The following TARBP1 variants were observed in gnomAD, a reference collection of about 807,000 sequenced individuals.
TARBP1 encodes tRNA (guanosine(18)-2'-O)-methyltransferase TARBP1.
In TARBP1, 144 loss-of-function variants were observed where a neutral mutation model predicts 178.6. The observed-to-expected ratio is 0.81, with a 90% CI of 0.70 to 0.93. The LOEUF (loss-of-function observed/expected upper bound fraction) is 0.93. Among genes scored for constraint, TARBP1 ranks in the 40% least tolerant of loss-of-function variants. The pLI is 0.00. For missense variants in TARBP1, 2,067 were observed against 2,011.7 expected, an observed-to-expected ratio of 1.03 and a Z score of -0.53; for synonymous variants, 787 against 781.0, an observed-to-expected ratio of 1.01 and a Z score of -0.13.
Position 234,427,568 on chromosome 1 carries a change from T to C in TARBP1, c.3251+8A>G. On this transcript the variant is annotated splice_region_variant and intron_variant, in intron 18 of 29. Coordinates refer to ENST00000040877, the MANE Select transcript of TARBP1 (RefSeq NM_005646.4). ...GTTATGACCAGTTGAAATAATAGCA[T>C]CTTTTACCTTTGATCACGCCTAAAC... 1 of 1,592,150 alleles carries C rather than the reference T, an allele frequency of 6.3e-7. No individual in the cohort carries two copies. The highest frequency in any genetic ancestry group is 8.5e-7 in the Non-Finnish European group (1 of 1,173,526).
Position 234,460,267 on chromosome 1 carries a change from G to T in TARBP1, c.1529C>A (p.Ala510Asp). 2 of 1,612,888 alleles carry T rather than the reference G, an allele frequency of 1.2e-6. No homozygotes were observed. Among genetic ancestry groups the T allele is most frequent in the Middle Eastern group, 1.7e-4 (1 of 6,058 alleles). Reference protein sequence around the residue: ...HKALGIDGLLALRDVIHCTMI... With the variant: ...HKALGIDGLLDLRDVIHCTMI... ...CATATACAGAGTAAATTACCTGAGAGCAAGAAGCCCATCTATACCCAGGGC... is the reference window on the plus strand; with the variant it reads ...CATATACAGAGTAAATTACCTGAGATCAAGAAGCCCATCTATACCCAGGGC... The change falls in exon 7 of 30, where the codon GCT (alanine) becomes GAT (aspartate). Residue 510 changes from alanine (A) to aspartate (D), a missense_variant. Transcript: ENST00000040877.
chr1:234,451,766 A>AAAAAAAAAC lies in TARBP1; in HGVS notation c.1723-1201_1723-1200insGTTTTTTTT, dbSNP rs57636903. The stretch of plus-strand genomic sequence containing the variant: ...TCCGTCTCAAAAAAAAAAAAAAAAA[A>AAAAAAAAAC]TGATGAATGACTGGATCATCGAAGT... On this transcript the variant is annotated intron_variant, in intron 9 of 29. Coordinates refer to ENST00000040877, the MANE Select transcript of TARBP1 (RefSeq NM_005646.4). Among the ~76,000 whole-genome samples, 8 of 17,166 alleles carry AAAAAAAAAC rather than the reference A, an allele frequency of 4.7e-4. 3 individuals are homozygous for AAAAAAAAAC. The highest frequency in any genetic ancestry group is 2.9e-3 in the African/African-American group (7 of 2,428). 11.3% of individuals were successfully genotyped at this position (17,166 alleles called of 152,430 possible).
In TARBP1 at chr1:234,478,170, T is replaced by C; in HGVS notation, c.931+3A>G. On this transcript the variant is annotated splice_donor_region_variant and intron_variant, in intron 1 of 29. Coordinates refer to ENST00000040877, the MANE Select transcript of TARBP1 (RefSeq NM_005646.4). ...CTAGGCTGGGGGGCAAAGAGGCAGG[T>C]ACCGTTTCCTTCCTGGGGCCCGCAG... is the stretch of plus-strand genomic sequence containing the variant. The C allele has an allele frequency of 1.2e-6, 2 of 1,609,246 alleles. No homozygotes were observed. Among genetic ancestry groups the C allele is most frequent in the East Asian group, 2.2e-5 (1 of 44,622 alleles).
chr1:234,446,678 T>TAATTATATAATTTC, intron 12 of TARBP1, 125 bp downstream of exon 12: 1 of 257,354 alleles, frequency 3.9e-6, no homozygotes, highest in Non-Finnish European at 5.7e-6. Context: ...TTCTTAAATA[T>TAATTATATAATTTC]ATATAATTTC....
intron 6 of TARBP1, among the ~76,000 whole-genome samples, chr1:234,462,920 C>T (rs951973463): frequency 2.0e-5 from 3 of 152,104 alleles, no homozygotes; most frequent in African/African-American, 4.8e-5. Context: ...GTATTTCATA[C>T]CTAGGCTCAC....
chr1:234,463,686 T>C (rs1668142628), intron 6 of TARBP1, 151 bp downstream of exon 6: 1 of 486,098 alleles, frequency 2.1e-6, no homozygotes, highest in Non-Finnish European at 3.7e-6. Flanking sequence ...AAAGATACTG[T>C]ATAATTCTGA....
chr1:234,452,843 T>C (rs1303291926), intron 9 of TARBP1, among the ~76,000 whole-genome samples: 1 of 151,486 alleles, frequency 6.6e-6, no homozygotes, highest in African/African-American at 2.4e-5. Context: ...AAATAAACTG[T>C]GGTACATCCA....
At chr1:234,417,020 G>A (rs1662506845) in intron 22 of TARBP1, among the ~76,000 whole-genome samples, 1 of 152,196 alleles carries the variant, frequency 6.6e-6, no homozygotes, top group African/African-American at 2.4e-5. Flanking sequence ...AGCACAATAG[G>A]AAGGGAATTA....
intron 24 of TARBP1, among the ~76,000 whole-genome samples, chr1:234,403,048 C>T (rs1225129381): frequency 6.6e-6 from 1 of 152,138 alleles, no homozygotes; most frequent in Non-Finnish European, 1.5e-5. Context: ...TCACAATTTT[C>T]CTCCCACTCT....
At chr1:234,394,847 C>A (rs1659756454) in intron 26 of TARBP1, among the ~76,000 whole-genome samples, 2 of 151,478 alleles carry the variant, frequency 1.3e-5, no homozygotes, top group African/African-American at 4.9e-5. Context: ...AATCCCAGAA[C>A]TTTGGGAGGC....
At position 234,398,372 on chromosome 1, in the gene TARBP1, T is replaced by C. The variant is rs1206476312; in HGVS notation, c.4243+10A>G. 6.4e-7 allele frequency: 1 copy of C among 1,556,856 alleles called. No individual in the cohort carries two copies. Among genetic ancestry groups the C allele is most frequent in the East Asian group, 2.3e-5 (1 of 43,858 alleles). ...CAAGGGGAAAAAATAAAATGAAAAT[T>C]ATTTTTTACCTATGTCTTGCTGAGA... On this transcript the variant is annotated intron_variant, in intron 26 of 29. Coordinates refer to ENST00000040877, the MANE Select transcript of TARBP1 (RefSeq NM_005646.4).
chr1:234,447,236 C>T (rs538901592), intron 11 of TARBP1, among the ~76,000 whole-genome samples: 41 of 151,334 alleles, frequency 2.7e-4, no homozygotes, highest in Non-Finnish European at 4.0e-4. Flanking sequence ...AATCCTATAC[C>T]CAATTAATGT....
At chr1:234,427,829 A>G in intron 17 of TARBP1, 63 bp from the exon 18 acceptor site, 1 of 1,202,386 alleles carries the variant, frequency 8.3e-7, no homozygotes, top group Non-Finnish European at 1.1e-6. Flanking sequence ...AGTGCTGCTA[A>G]AAACTGTTAC....
intron 3 of TARBP1, among the ~76,000 whole-genome samples, chr1:234,469,077 T>TAAAA (rs1327979551): frequency 4.7e-5 from 3 of 63,764 alleles, no homozygotes; most frequent in East Asian, 4.4e-4. Flanking sequence ...TTTTTTTTTT[T>TAAAA]AAAAAAAAAA....
In TARBP1 at chr1:234,392,566, T is replaced by TA; in HGVS notation, c.4561-15dup. ...AGGTGGTTTTACCTGAATATTAGTT[T>TA]AAAAAGAACAGAATATTCATTCAGT... On this transcript the variant is annotated splice_polypyrimidine_tract_variant and intron_variant, in intron 28 of 29. Coordinates refer to ENST00000040877, the MANE Select transcript of TARBP1 (RefSeq NM_005646.4). 6.2e-7 allele frequency: 1 copy of TA among 1,612,384 alleles called. No individual in the cohort carries two copies. Among genetic ancestry groups the TA allele is most frequent in the Non-Finnish European group, 8.5e-7 (1 of 1,178,948 alleles).
In TARBP1 at chr1:234,410,938, A is replaced by G. The variant is rs145165273; in HGVS notation, c.3706-407T>C. ...AATACAAAAATTCGCTGGGCATGGTAGCGCACACCTGTAGTCCCAGCTACT... is the reference window on the plus strand; with the variant it reads ...AATACAAAAATTCGCTGGGCATGGTGGCGCACACCTGTAGTCCCAGCTACT... On this transcript the variant is annotated intron_variant, in intron 22 of 29. Transcript: ENST00000040877. Among the ~76,000 whole-genome samples the G allele has an allele frequency of 6.4e-3, 976 of 152,230 alleles. 13 individuals carry two copies. The highest frequency in any genetic ancestry group is 0.022 in the African/African-American group (923 of 41,538).
Position 234,463,887 on chromosome 1 carries a change from A to C in TARBP1, c.1349T>G (p.Leu450Ter), listed in dbSNP as rs755476127. 15 of 1,599,430 alleles carry C rather than the reference A, an allele frequency of 9.4e-6. No individual in the cohort carries two copies. The highest frequency in any genetic ancestry group is 1.3e-5 in the Non-Finnish European group (15 of 1,172,776). Reference protein sequence around the residue: ...IGSCSPLGLKLQKFLVTYISL... With the variant: ...IGSCSPLGLK ...AATATAAGTGACTAAAAACTTCTGT[A>C]ATTTCAGTCCCAATGGAGAACAGCT... The change falls in exon 6 of 30, where the codon TTA becomes TGA. Residue 450 changes from leucine to a stop codon, truncating the protein, a stop_gained. Transcript: ENST00000040877. LOFTEE classifies it high-confidence loss of function.
chr1:234,440,490 C>T (rs1325903833), intron 12 of TARBP1, among the ~76,000 whole-genome samples: 3 of 147,426 alleles, frequency 2.0e-5, no homozygotes, highest in African/African-American at 5.3e-5. Context: ...AGTAAGCACG[C>T]ACACACACAC....
At chr1:234,428,342 C>A (rs1664010571) in intron 17 of TARBP1, among the ~76,000 whole-genome samples, 2 of 148,004 alleles carry the variant, frequency 1.4e-5, no homozygotes, top group Admixed American at 1.4e-4. Context: ...TTTCTCTACA[C>A]ACACAAAAAA....
Sources: allele counts gnomAD v4.1 joint callset (sites outside exome capture counted in the v4.1 genomes callset), GRCh38; gene constraint gnomAD v4.1.1; transcripts MANE v1.5; gene names NCBI Gene and HGNC (gene_info 2026-07-23, HGNC 2026-07-21).